SLC34A2: variants seen among roughly 807,000 people sequenced by gnomAD.
The protein encoded by SLC34A2 is sodium-dependent phosphate transport protein 2B.
Under a neutral mutation model 50.8 loss-of-function variants are expected in SLC34A2, and 41 were observed. The observed-to-expected ratio is 0.81, with a 90% CI of 0.63 to 1.05. The LOEUF (loss-of-function observed/expected upper bound fraction) is 1.05, where lower values mean the gene tolerates loss of function less well. Ranked by LOEUF, SLC34A2 falls within the 50% of genes least tolerant of loss-of-function variation. The pLI, the probability that SLC34A2 is intolerant of heterozygous loss-of-function variation, is 0.00. For synonymous variants in SLC34A2, 401 were observed against 364.2 expected (o/e 1.10, Z -1.15); for missense variants, 879 against 876.7 (o/e 1.00, Z -0.03).
intron 6 of SLC34A2, among the ~76,000 whole-genome samples, chr4:25,668,275 A>G (rs1020269032): frequency 2.0e-5 from 3 of 152,220 alleles, no homozygotes; most frequent in African/African-American, 7.2e-5. Context: ...CACCCAGCAC[A>G]TTGAGTTCAC....
In SLC34A2 at chr4:25,678,735, C is replaced by T. The variant is rs1715289574; in HGVS notation, c.*1986C>T. 3 of 437,634 alleles carry T rather than the reference C, an allele frequency of 6.9e-6. No individual in the cohort carries two copies. The highest frequency in any genetic ancestry group is 1.2e-5 in the Non-Finnish European group (3 of 241,612). 27.1% of individuals were successfully genotyped at this position (437,634 alleles called of 1,614,324 possible). On this transcript the variant is annotated 3_prime_UTR_variant, in exon 13 of 13. Coordinates refer to ENST00000382051, the MANE Select transcript of SLC34A2 (RefSeq NM_006424.3). The stretch of plus-strand genomic sequence containing the variant: ...GGTTATGGGAAGGGAGAAATAAAAT[C>T]ATCAAACCCAAAAGGAGTGTGTTGT...
intron 7 of SLC34A2, 69 bp from the exon 8 acceptor site, chr4:25,670,668 AC>A (rs1714763422): frequency 1.6e-5 from 20 of 1,240,324 alleles, no homozygotes; most frequent in Non-Finnish European, 2.3e-5. Context: ...TCTCACTTCA[AC>A]CCCCTGGGTT....
chr4:25,657,501 T>C (rs972171659), intron 1 of SLC34A2, among the ~76,000 whole-genome samples: 1 of 152,124 alleles, frequency 6.6e-6, no homozygotes, highest in African/African-American at 2.4e-5. Context: ...CAAATTTAAC[T>C]GCTTTAACCT....
At chr4:25,664,579 C>G (rs1322411527) in intron 4 of SLC34A2, among the ~76,000 whole-genome samples, 1 of 152,258 alleles carries the variant, frequency 6.6e-6, no homozygotes, top group Non-Finnish European at 1.5e-5. Context: ...TCCAAGCTAT[C>G]CGCCAGTTGA....
chr4:25,669,418 A>G (rs1430686990), intron 6 of SLC34A2, among the ~76,000 whole-genome samples: 2 of 152,204 alleles, frequency 1.3e-5, no homozygotes, highest in East Asian at 3.9e-4. Flanking sequence ...TAATTATTCC[A>G]GCCGTAACAT....
intron 10 of SLC34A2, 60 bp from the exon 11 acceptor site, chr4:25,674,236 A>G (rs948624657): frequency 8.4e-6 from 11 of 1,314,056 alleles, no homozygotes; most frequent in South Asian, 8.3e-5. Context: ...CCCCTACCCC[A>G]GGCCACCAGG....
At chr4:25,674,474 CTGATA>C (rs1715002967) in intron 11 of SLC34A2, 26 bp from the exon 12 acceptor site, 3 of 1,614,216 alleles carry the variant, frequency 1.9e-6, no homozygotes, top group Non-Finnish European at 2.5e-6. Flanking sequence ...TCCCATGGGG[CTGATA>C]TGTTTGTGTT....
chr4:25,666,646 C>T (rs1714516796), intron 5 of SLC34A2, among the ~76,000 whole-genome samples: 1 of 152,176 alleles, frequency 6.6e-6, no homozygotes, highest in South Asian at 2.1e-4. Flanking sequence ...GTTAAAGAGC[C>T]ACATGTGGCT....
Position 25,674,746 on chromosome 4 carries a change from T to C in SLC34A2, c.1458+117T>C. ...TGTACTATCCAAAATATGGAACTAA[T>C]ATGTGGAGGGGAAGCCACGGGTAAA... On this transcript the variant is annotated intron_variant, in intron 12 of 12. Coordinates refer to ENST00000382051, the MANE Select transcript of SLC34A2 (RefSeq NM_006424.3). The C allele has an allele frequency of 1.5e-6, 2 of 1,370,724 alleles. 1 individual carries two copies. Among genetic ancestry groups the C allele is most frequent in the South Asian group, 2.7e-5 (2 of 74,590 alleles). 84.9% of individuals were successfully genotyped at this position (1,370,724 alleles called of 1,614,324 possible).
rs116372050 is a variant in SLC34A2 at position 25,674,393 on chromosome 4, G to C, written c.1314G>C (p.Ser438=). 1.9e-5 allele frequency: 30 copies of C among 1,614,002 alleles called. No homozygotes were observed. Among genetic ancestry groups the C allele is most frequent in the Non-Finnish European group, 2.5e-5 (30 of 1,180,030 alleles). The stretch of plus-strand genomic sequence containing the variant: ...TACAGAGCAGCTCTGTGTTCACGTC[G>C]GCCTTGACCCCCCTGATTGGTGAGT... The part of the protein sequence containing the change: ...FIVQSSSVFT[S]ALTPLIGIGV... Residue 438 remains serine, a synonymous_variant, in exon 11 of 13, where the codon TCG becomes TCC. Coordinates refer to ENST00000382051, the MANE Select transcript of SLC34A2 (RefSeq NM_006424.3).
In SLC34A2 at chr4:25,664,267, G is replaced by C. The variant is rs137853142; in HGVS notation, c.316G>C (p.Gly106Arg). 6.2e-7 allele frequency: 1 copy of C among 1,612,568 alleles called. No individual in the cohort carries two copies. Among genetic ancestry groups the C allele is most frequent in the Non-Finnish European group, 8.5e-7 (1 of 1,179,668 alleles). Residue 106 changes from glycine to arginine, a missense_variant, in exon 4 of 13, where the codon GGA (glycine) becomes CGA (arginine). Coordinates refer to ENST00000382051, the MANE Select transcript of SLC34A2 (RefSeq NM_006424.3). ...QGIGRLILLL[G>R]FLYFFVCSLD... The stretch of plus-strand genomic sequence containing the variant: ...GATTGGGAGATTGATTTTACTTCTC[G>C]GATTTCTCTACTTTTTCGTGTGCTC...
chr4:25,662,021 T>G (rs1200045118), intron 1 of SLC34A2, among the ~76,000 whole-genome samples: 1 of 152,076 alleles, frequency 6.6e-6, no homozygotes, highest in Non-Finnish European at 1.5e-5. Flanking sequence ...TATAGGCGTG[T>G]GCCACCACGC....
chr4:25,664,590 G>A (rs1031541614), intron 4 of SLC34A2, among the ~76,000 whole-genome samples: 1 of 152,244 alleles, frequency 6.6e-6, no homozygotes, highest in Non-Finnish European at 1.5e-5. Flanking sequence ...CGCCAGTTGA[G>A]TTTGTCCACA....
rs774969323 is a variant in SLC34A2 at position 25,662,519 on chromosome 4, T to C, written c.19T>C (p.Leu7=). MAPWPE[L]GDAQPNPDKY... is the part of the protein sequence containing the mutation. ...ACAGACCATGGCTCCCTGGCCTGAA[T>C]TGGGAGATGCCCAGCCCAACCCCGA... Residue 7 remains leucine, a synonymous_variant, in exon 2 of 13, where the codon TTG becomes CTG. Coordinates refer to ENST00000382051, the MANE Select transcript of SLC34A2 (RefSeq NM_006424.3). The C allele has an allele frequency of 2.2e-5, 36 of 1,613,966 alleles. No homozygotes were observed. The highest frequency in any genetic ancestry group is 3.0e-5 in the Non-Finnish European group (35 of 1,180,022).
chr4:25,662,618 T>C lies in SLC34A2; in HGVS notation c.112+6T>C. ...AAGCAAAGAGACCAACAAAAGTAAG[T>C]GTCGCTCGTTTGTCTGCAGATCGGC... On this transcript the variant is annotated splice_donor_region_variant and intron_variant, in intron 2 of 12. Coordinates refer to ENST00000382051, the MANE Select transcript of SLC34A2 (RefSeq NM_006424.3). 6.2e-7 allele frequency: 1 copy of C among 1,614,052 alleles called. No individual in the cohort carries two copies. The highest frequency in any genetic ancestry group is 8.5e-7 in the Non-Finnish European group (1 of 1,179,984).
intron 1 of SLC34A2, among the ~76,000 whole-genome samples, chr4:25,656,736 A>G (rs1270054172): frequency 6.6e-6 from 1 of 152,114 alleles, no homozygotes; most frequent in Non-Finnish European, 1.5e-5. Context: ...GAGAGTTGGA[A>G]TCTCGTTTTC....
chr4:25,674,932 A>G (rs1560242442), intron 12 of SLC34A2, among the ~76,000 whole-genome samples: 2 of 152,164 alleles, frequency 1.3e-5, no homozygotes, highest in African/African-American at 2.4e-5. Context: ...CCATCTCCTC[A>G]CTGCCTCCTA....
intron 12 of SLC34A2, among the ~76,000 whole-genome samples, chr4:25,675,310 C>T (rs887222563): frequency 1.2e-4 from 19 of 152,192 alleles, no homozygotes; most frequent in African/African-American, 4.6e-4. Context: ...GGATTACAGG[C>T]GTGAGCCACT....
At chr4:25,668,432 C>T (rs138775168) in intron 6 of SLC34A2, among the ~76,000 whole-genome samples, 1,632 of 152,220 alleles carry the variant, frequency 0.011, 38 homozygotes, top group African/African-American at 0.035. Context: ...GCGGGTGGAT[C>T]GCCTGAGGTC....
Sources: gnomAD v4.1 joint callset for allele counts (sites outside exome capture counted in the v4.1 genomes callset) on GRCh38, gnomAD v4.1.1 for gene constraint, MANE v1.5 for transcripts, NCBI Gene and HGNC (gene_info 2026-07-23, HGNC 2026-07-21) for gene names.